Variants in DNAI1 observed in about 807,000 individuals in gnomAD.
The protein encoded by DNAI1 is dynein axonemal intermediate chain 1.
DNAI1 carries 67 observed loss-of-function variants against 92.0 expected under a neutral mutation model. The ratio of observed to expected loss-of-function variants is 0.73; its 90% CI spans 0.60 to 0.89. DNAI1 has a LOEUF of 0.89. DNAI1 is among the 40% of genes least tolerant of loss of function. The probability of loss-of-function intolerance (pLI) is 0.00; values close to 1 mark genes in which losing one functional copy is unlikely to be tolerated. For synonymous variants in DNAI1, 323 were observed against 319.6 expected (o/e 1.01, Z -0.11); for missense variants, 839 against 866.6 (o/e 0.97, Z 0.40).
chr9:34,481,485 G>A (rs1329282133), intron 1 of DNAI1, among the ~76,000 whole-genome samples: 1 of 152,202 alleles, frequency 6.6e-6, no homozygotes, highest in African/African-American at 2.4e-5. Context: ...TGAAACTTGG[G>A]AAGGCTCAAC....
chr9:34,502,083 C>T (rs530546211), intron 12 of DNAI1, among the ~76,000 whole-genome samples: 2 of 152,332 alleles, frequency 1.3e-5, no homozygotes, highest in African/African-American at 2.4e-5. Context: ...ATTCTCCAAG[C>T]TGCTGCTGGC....
chr9:34,478,577 C>T (rs1824282136), intron 1 of DNAI1: 1 of 152,226 alleles, frequency 6.6e-6, no homozygotes, highest in Non-Finnish European at 1.5e-5. Flanking sequence ...TTCCTGCTCT[C>T]ACAGTGCTCA....
chr9:34,459,081 G>A (rs1823884778), intron 1 of DNAI1, 28 bp downstream of exon 1: 1 of 1,607,652 alleles, frequency 6.2e-7, no homozygotes, highest in Admixed American at 1.7e-5. Context: ...TCCTTCTGAT[G>A]ACCTCTGACC....
At chr9:34,492,526 A>ATATATATG (rs1824629899) in intron 8 of DNAI1, among the ~76,000 whole-genome samples, 2 of 100,728 alleles carry the variant, frequency 2.0e-5, no homozygotes, top group Non-Finnish European at 4.0e-5. Flanking sequence ...ATATATATAT[A>ATATATATG]TATATATATT....
intron 1 of DNAI1, among the ~76,000 whole-genome samples, chr9:34,477,920 CTCTCTTT>C (rs1392783729): frequency 6.6e-5 from 5 of 75,928 alleles, no homozygotes; most frequent in Non-Finnish European, 2.5e-5. Context: ...CTCTCTCTCT[CTCTCTTT>C]TTTTTTTTTT....
At chr9:34,469,227 A>G (rs929114241) in intron 1 of DNAI1, among the ~76,000 whole-genome samples, 2 of 151,274 alleles carry the variant, frequency 1.3e-5, no homozygotes, top group African/African-American at 4.8e-5. Flanking sequence ...ACTTCTCACC[A>G]TAAACAATGT....
chr9:34,467,695 A>T (rs1824064209), intron 1 of DNAI1, among the ~76,000 whole-genome samples: 1 of 150,262 alleles, frequency 6.7e-6, no homozygotes, highest in Non-Finnish European at 1.5e-5. Context: ...GATTTAGGGG[A>T]TTTATATTCT....
chr9:34,502,286 GTGGGC>G (rs949479042), intron 12 of DNAI1, among the ~76,000 whole-genome samples: 5 of 152,200 alleles, frequency 3.3e-5, no homozygotes, highest in Non-Finnish European at 7.4e-5. Context: ...ACTCCTGAGG[GTGGGC>G]TGCTGCCAAG....
At chr9:34,518,497 C>T (rs1825211676) in intron 19 of DNAI1, among the ~76,000 whole-genome samples, 2 of 152,200 alleles carry the variant, frequency 1.3e-5, no homozygotes, top group African/African-American at 4.8e-5. Context: ...GGCTGCTAAG[C>T]GCCTGCAGCT....
At chr9:34,461,489 A>G (rs1823950864) in intron 1 of DNAI1, among the ~76,000 whole-genome samples, 1 of 152,172 alleles carries the variant, frequency 6.6e-6, no homozygotes. Flanking sequence ...GTAACCACAG[A>G]TCTGCTTTCT....
rs946103105 is a variant in DNAI1, at chr9:34,515,030, G to A, written c.1818+291G>A. 4.6e-5 allele frequency among the ~76,000 whole-genome samples: 7 copies of A among 152,202 alleles called. No homozygotes were observed. In the South Asian group the frequency reaches 1.4e-3, roughly 32 times the overall value. ...TCCTCTGCTGTATGGTGGAGAGCTA[G>A]AGGGTGGCAGGGCCCGGCTCCATCT... is the stretch of plus-strand genomic sequence containing the variant. On this transcript the variant is annotated intron_variant, in intron 18 of 19. Coordinates refer to ENST00000242317, the MANE Select transcript of DNAI1 (RefSeq NM_012144.4).
At chr9:34,491,921 G>C (rs901965317) in intron 8 of DNAI1, among the ~76,000 whole-genome samples, 44 of 152,196 alleles carry the variant, frequency 2.9e-4, no homozygotes, top group African/African-American at 1.0e-3. Context: ...TTAGCACTCT[G>C]ACCCTGCCCT....
chr9:34,512,583 C>G (rs768187382), intron 15 of DNAI1, among the ~76,000 whole-genome samples, 159 bp downstream of exon 15: 1 of 152,212 alleles, frequency 6.6e-6, no homozygotes, highest in Non-Finnish European at 1.5e-5. Flanking sequence ...TCTGCTGAAC[C>G]CTTGGCTGTT....
In DNAI1 at chr9:34,513,205, G is replaced by T. The variant is rs373207465; in HGVS notation, c.1569+14G>T. 1.9e-6 allele frequency: 3 copies of T among 1,610,776 alleles called. No homozygotes were observed. Among genetic ancestry groups the T allele is most frequent in the Non-Finnish European group, 2.5e-6 (3 of 1,176,982 alleles). On this transcript the variant is annotated intron_variant, in intron 16 of 19. Coordinates refer to ENST00000242317, the MANE Select transcript of DNAI1 (RefSeq NM_012144.4). The stretch of plus-strand genomic sequence containing the variant: ...AAAATCTACAAGGTGAGGCTGCCCT[G>T]TGCCAGCTCCTTAGAAGGCCGCTTA...
intron 11 of DNAI1, 78 bp downstream of exon 11, chr9:34,500,917 C>A: frequency 8.5e-7 from 1 of 1,175,690 alleles, no homozygotes; most frequent in Non-Finnish European, 1.3e-6. Context: ...CCCTTCTGCA[C>A]TTAACCACCT....
At chr9:34,517,611 T>G in intron 19 of DNAI1, 144 bp downstream of exon 19, 5 of 984,956 alleles carry the variant, frequency 5.1e-6, no homozygotes, top group Non-Finnish European at 7.7e-6. Flanking sequence ...TGAATGAGGC[T>G]CACAGTAGAA....
intron 2 of DNAI1, among the ~76,000 whole-genome samples, chr9:34,484,876 A>C (rs1489985018): frequency 6.6e-6 from 1 of 152,326 alleles, no homozygotes; most frequent in East Asian, 1.9e-4. Context: ...TGGTCCCACT[A>C]CTGGGGCCAG....
intron 1 of DNAI1, among the ~76,000 whole-genome samples, chr9:34,465,645 C>A (rs768506427): frequency 6.6e-6 from 1 of 152,334 alleles, no homozygotes; most frequent in African/African-American, 2.4e-5. Flanking sequence ...GGGGGCCTAG[C>A]ACATTGTTAG....
intron 9 of DNAI1, among the ~76,000 whole-genome samples, chr9:34,493,901 G>T (rs951363052): frequency 6.6e-6 from 1 of 152,130 alleles, no homozygotes; most frequent in Non-Finnish European, 1.5e-5. Context: ...TGGTTGAGGG[G>T]GGCTCACTGT....
Sources: allele counts gnomAD v4.1 joint callset (sites outside exome capture counted in the v4.1 genomes callset), GRCh38; gene constraint gnomAD v4.1.1; transcripts MANE v1.5; gene names NCBI Gene and HGNC (gene_info 2026-07-23, HGNC 2026-07-21).